The following RASA1 variants were observed in gnomAD, a reference collection of about 807,000 sequenced individuals.
The protein encoded by RASA1 is ras GTPase-activating protein 1.
Under a neutral mutation model 132.2 loss-of-function variants are expected in RASA1, and 25 were observed. The observed-to-expected ratio is 0.19, with a 90% CI of 0.14 to 0.26. The LOEUF (loss-of-function observed/expected upper bound fraction) is 0.26, where lower values mean the gene tolerates loss of function less well. RASA1 is among the 10% of genes least tolerant of loss of function. RASA1 has a pLI of 1.00. For missense variants in RASA1, 964 were observed against 1,299.2 expected (o/e 0.74, Z 3.97); for synonymous variants, 477 against 449.9 (o/e 1.06, Z -0.76).
chr5:87,375,322 G>A (rs1271978095), intron 15 of RASA1, among the ~76,000 whole-genome samples: 1 of 151,754 alleles, frequency 6.6e-6, no homozygotes, highest in East Asian at 1.9e-4. Context: ...GTGCAGTGGT[G>A]TGATCTCGGC....
At chr5:87,338,534 A>ATATATATATATATATATATATAT (rs1561292504) in intron 5 of RASA1, among the ~76,000 whole-genome samples, 5 of 46,112 alleles carry the variant, frequency 1.1e-4, no homozygotes, top group African/African-American at 1.6e-4. Flanking sequence ...TATATATATA[A>ATATATATATATATATATATATAT]AATTTTTTTT....
At chr5:87,390,700 A>G in intron 24 of RASA1, 100 bp from the exon 25 acceptor site, 1 of 913,702 alleles carries the variant, frequency 1.1e-6, no homozygotes. Context: ...TATTTTATGC[A>G]TCCTTTTGCT....
At chr5:87,280,150 T>TCTTAC (rs957737430) in intron 1 of RASA1, among the ~76,000 whole-genome samples, 1 of 152,118 alleles carries the variant, frequency 6.6e-6, no homozygotes, top group Non-Finnish European at 1.5e-5. Flanking sequence ...CCAGAGTGGG[T>TCTTAC]CTTACTCTCC....
At chr5:87,383,896 C>A in intron 21 of RASA1, 116 bp downstream of exon 21, 1 of 913,838 alleles carries the variant, frequency 1.1e-6, no homozygotes, top group Non-Finnish European at 1.7e-6. Context: ...CTAGTCATGG[C>A]ATATATGAAG....
At chr5:87,288,717 C>T (rs1232244662) in intron 1 of RASA1, among the ~76,000 whole-genome samples, 2 of 151,728 alleles carry the variant, frequency 1.3e-5, no homozygotes, top group Non-Finnish European at 2.9e-5. Context: ...TTTTTGGGTC[C>T]AGATTGCATG....
chr5:87,326,886 C>T (rs947873020), intron 1 of RASA1, among the ~76,000 whole-genome samples: 2 of 152,134 alleles, frequency 1.3e-5, no homozygotes, highest in Non-Finnish European at 2.9e-5. Flanking sequence ...AGATTGGTTT[C>T]TCCTGTTCTC....
chr5:87,299,752 C>G (rs1755279625), intron 1 of RASA1: 1 of 152,008 alleles, frequency 6.6e-6, no homozygotes, highest in South Asian at 2.1e-4. Context: ...GATCTTTTCT[C>G]TATTATCATC....
intron 17 of RASA1, among the ~76,000 whole-genome samples, chr5:87,377,816 A>G (rs1319185954): frequency 6.6e-6 from 1 of 152,174 alleles, no homozygotes; most frequent in Admixed American, 6.5e-5. Context: ...AGGTTCCCCA[A>G]ATAAATAGTA....
chr5:87,377,217 A>G (rs187731497), intron 17 of RASA1, 177 bp downstream of exon 17: 1 of 773,746 alleles, frequency 1.3e-6, no homozygotes, highest in East Asian at 2.8e-5. Context: ...GTTGGTTACT[A>G]TGGGAAGCTG....
chr5:87,269,130 A>T, intron 1 of RASA1, 140 bp downstream of exon 1: 1 of 1,613,440 alleles, frequency 6.2e-7, no homozygotes, highest in East Asian at 2.2e-5. Context: ...CTTGGGTAGG[A>T]ATTTAATCTG....
At chr5:87,306,882 A>G (rs1438799302) in intron 1 of RASA1, among the ~76,000 whole-genome samples, 2 of 151,852 alleles carry the variant, frequency 1.3e-5, no homozygotes, top group African/African-American at 4.8e-5. Flanking sequence ...TTTTTGAGAC[A>G]GGGTCTCACT....
intron 20 of RASA1, among the ~76,000 whole-genome samples, chr5:87,382,858 G>A (rs1258095950): frequency 2.6e-5 from 4 of 151,884 alleles, no homozygotes; most frequent in South Asian, 2.1e-4. Flanking sequence ...AAGACAGGAG[G>A]ATTGCTTGAG....
At chr5:87,374,414 A>G in intron 14 of RASA1, 94 bp downstream of exon 14, 1 of 1,016,144 alleles carries the variant, frequency 9.8e-7, no homozygotes, top group Non-Finnish European at 1.4e-6. Context: ...CCATCAGAAC[A>G]AGGTACCATA....
chr5:87,321,495 G>T (rs1338074185), intron 1 of RASA1, among the ~76,000 whole-genome samples: 1 of 152,170 alleles, frequency 6.6e-6, no homozygotes, highest in East Asian at 1.9e-4. Flanking sequence ...TTCGAGTTGG[G>T]GTTTCCACAA....
chr5:87,338,550 T>A lies in RASA1; in HGVS notation c.1017+459T>A, dbSNP rs1035053449. ...ATATATATAAAATTTTTTTTTTTTT[T>A]AAGTAGAAATGGGGTTTTACCATGT... On this transcript the variant is annotated intron_variant, in intron 5 of 24. Coordinates refer to ENST00000274376, the MANE Select transcript of RASA1 (RefSeq NM_002890.3). Among the ~76,000 whole-genome samples the A allele has an allele frequency of 7.4e-4, 103 of 139,858 alleles. 1 individual carries two copies. Among genetic ancestry groups the A allele is most frequent in the African/African-American group, 2.4e-3 (92 of 38,396 alleles). 91.8% of individuals were successfully genotyped at this position (139,858 alleles called of 152,430 possible).
At chr5:87,271,767 C>T (rs1002811073) in intron 1 of RASA1, among the ~76,000 whole-genome samples, 1 of 151,894 alleles carries the variant, frequency 6.6e-6, no homozygotes, top group Non-Finnish European at 1.5e-5. Flanking sequence ...TGAGCCACCG[C>T]GCCTGGCCCA....
At chr5:87,357,922 A>G (rs1759774354) in intron 9 of RASA1, among the ~76,000 whole-genome samples, 1 of 152,200 alleles carries the variant, frequency 6.6e-6, no homozygotes, top group African/African-American at 2.4e-5. Context: ...ATTGATTGCT[A>G]CACAGAAACT....
At chr5:87,371,103 A>G (rs1056122734) in intron 12 of RASA1, among the ~76,000 whole-genome samples, 9 of 152,132 alleles carry the variant, frequency 5.9e-5, no homozygotes, top group African/African-American at 1.7e-4. Context: ...GTATTTTACC[A>G]TGGTCCCTCT....
chr5:87,346,433 G>A (rs993816207), intron 6 of RASA1, among the ~76,000 whole-genome samples: 3 of 151,788 alleles, frequency 2.0e-5, no homozygotes, highest in South Asian at 2.1e-4. Context: ...TGCCATTTTT[G>A]TATTGGTAAT....
Sources: gnomAD v4.1 joint callset for allele counts (sites outside exome capture counted in the v4.1 genomes callset) on GRCh38, gnomAD v4.1.1 for gene constraint, MANE v1.5 for transcripts, NCBI Gene and HGNC (gene_info 2026-07-23, HGNC 2026-07-21) for gene names.